MEDAG: variants seen among roughly 807,000 people sequenced by gnomAD.
MEDAG encodes the protein mesenteric estrogen-dependent adipogenesis protein.
In MEDAG, 25 loss-of-function variants were observed where a neutral mutation model predicts 29.9. The observed-to-expected ratio is 0.84, with a 90% CI of 0.61 to 1.17. The LOEUF (loss-of-function observed/expected upper bound fraction) is 1.17, where lower values mean the gene tolerates loss of function less well. Among genes scored for constraint, MEDAG ranks in the 50% most tolerant of loss-of-function variants. The pLI is 0.00. For synonymous variants in MEDAG, 158 were observed against 148.2 expected, an observed-to-expected ratio of 1.07 and a Z score of -0.48; for missense variants, 398 against 372.9, an observed-to-expected ratio of 1.07 and a Z score of -0.56.
intron 1 of MEDAG, among the ~76,000 whole-genome samples, chr13:30,910,754 A>T (rs1038428235): frequency 6.6e-6 from 1 of 152,234 alleles, no homozygotes; most frequent in Non-Finnish European, 1.5e-5. Flanking sequence ...CGGAGAATGC[A>T]GGTGAGGTGA....
At chr13:30,921,406 T>C (rs1952983825) in intron 3 of MEDAG, among the ~76,000 whole-genome samples, 155 bp from the exon 4 acceptor site, 1 of 152,232 alleles carries the variant, frequency 6.6e-6, no homozygotes, top group African/African-American at 2.4e-5. Flanking sequence ...CAAAGTTTTG[T>C]TAGAAAAAAT....
intron 1 of MEDAG, among the ~76,000 whole-genome samples, chr13:30,909,839 A>G (rs1952864918): frequency 6.6e-6 from 1 of 152,186 alleles, no homozygotes; most frequent in South Asian, 2.1e-4. Context: ...TCACTCGCTA[A>G]GAGAGCAACA....
intron 4 of MEDAG, among the ~76,000 whole-genome samples, chr13:30,923,356 TTCTC>T (rs565522967): frequency 8.2e-4 from 125 of 152,056 alleles, no homozygotes; most frequent in Non-Finnish European, 1.2e-3. Context: ...CTCTTTCTCT[TTCTC>T]TCTGTGTGTT....
At chr13:30,918,361 A>G (rs535942725) in intron 2 of MEDAG, among the ~76,000 whole-genome samples, 3 of 152,340 alleles carry the variant, frequency 2.0e-5, no homozygotes, top group Admixed American at 1.3e-4. Flanking sequence ...CGGGCAAACT[A>G]GGATGCGTAA....
At chr13:30,907,632 G>A (rs1235014729) in intron 1 of MEDAG, among the ~76,000 whole-genome samples, 1 of 152,238 alleles carries the variant, frequency 6.6e-6, no homozygotes, top group East Asian at 1.9e-4. Context: ...TTCACTCTTG[G>A]CAAGGGCCTG....
Position 30,906,533 on chromosome 13 carries a change from C to G in MEDAG, c.18C>G (p.Cys6Trp), listed in dbSNP as rs200214346. 11 of 1,512,090 alleles carry G rather than the reference C, an allele frequency of 7.3e-6. No homozygotes were observed. The highest frequency in any genetic ancestry group is 5.8e-5 in the Admixed American group (3 of 51,504). The allele number at this position is 1,512,090 out of a possible 1,614,324, so 93.7% of individuals were successfully genotyped here. A position where few individuals can be genotyped will look rare whatever the true frequency, so the allele number is the denominator to read the frequency against. Reference protein sequence around the residue: MAGAACEPVARPSLTS... With the variant: MAGAAWEPVARPSLTS... ...ACGCGGGCATGGCGGGGGCGGCCTG[C>G]GAGCCGGTGGCCAGGCCGAGCCTGA... The change falls in exon 1 of 5, where the codon TGC becomes TGG. Residue 6 changes from cysteine to tryptophan, a missense_variant. Cys to Trp is a radical substitution (Grantham distance 215). Transcript: ENST00000380482.
chr13:30,920,218 G>A (rs1351048476), intron 2 of MEDAG, among the ~76,000 whole-genome samples: 1 of 152,174 alleles, frequency 6.6e-6, no homozygotes, highest in African/African-American at 2.4e-5. Flanking sequence ...TGGAAAGCAT[G>A]GAGCAGCCCT....
rs1566130492 is a variant in MEDAG, at chr13:30,924,503, G to A, written c.*68G>A. The A allele has an allele frequency of 1.3e-6, 2 of 1,497,414 alleles. No individual in the cohort carries two copies. The highest frequency in any genetic ancestry group is 1.8e-6 in the Non-Finnish European group (2 of 1,113,644). 92.8% of individuals were successfully genotyped at this position (1,497,414 alleles called of 1,614,324 possible). ...GTGCTAGACTATAGGCTGGGGGGAG[G>A]GTAGGAGGTGGGAGGCAGATACTTC... On this transcript the variant is annotated 3_prime_UTR_variant, in exon 5 of 5. Transcript: ENST00000380482.
intron 4 of MEDAG, chr13:30,922,254 CTTT>C (rs758501789): frequency 1.4e-4 from 18 of 132,594 alleles, no homozygotes; most frequent in South Asian, 2.4e-4. Flanking sequence ...AGATATCAGT[CTTT>C]TTTTTTTTTT....
Position 30,906,900 on chromosome 13 carries a change from G to A in MEDAG, c.278+107G>A. The A allele has an allele frequency of 2.6e-6, 3 of 1,155,338 alleles. No homozygotes were observed. The South Asian group carries it at 5.3e-5, about 20-fold the overall frequency. The allele number at this position is 1,155,338 out of a possible 1,614,324, so 71.6% of individuals were successfully genotyped here. On this transcript the variant is annotated intron_variant, in intron 1 of 4. Coordinates refer to ENST00000380482, the MANE Select transcript of MEDAG (RefSeq NM_032849.4). Reference sequence around the variant, plus strand: ...GGCTGTCCTCGCTGCCTGCGACACCGCGTGGCCCCTTGCTCCGTGCGCTTC... The same window carrying A: ...GGCTGTCCTCGCTGCCTGCGACACCACGTGGCCCCTTGCTCCGTGCGCTTC...
At chr13:30,923,972 C>T (rs1394257902) in intron 4 of MEDAG, among the ~76,000 whole-genome samples, 4 of 152,112 alleles carry the variant, frequency 2.6e-5, no homozygotes, top group Non-Finnish European at 5.9e-5. Flanking sequence ...AGGCAGAGCA[C>T]GGGGCCACTA....
chr13:30,911,144 T>C (rs929750135), intron 1 of MEDAG, among the ~76,000 whole-genome samples: 4 of 152,192 alleles, frequency 2.6e-5, no homozygotes, highest in African/African-American at 9.7e-5. Context: ...AAAGTGGGAA[T>C]AGTAATAATA....
chr13:30,921,686 G>C lies in MEDAG; in HGVS notation c.627G>C (p.Gly209=). The C allele has an allele frequency of 6.2e-7, 1 of 1,614,012 alleles. No homozygotes were observed. Among genetic ancestry groups the C allele is most frequent in the East Asian group, 2.2e-5 (1 of 44,838 alleles). Residue 209 remains glycine, a synonymous_variant, in exon 4 of 5, where the codon GGG becomes GGC. Coordinates refer to ENST00000380482, the MANE Select transcript of MEDAG (RefSeq NM_032849.4). Reference sequence around the variant, plus strand: ...TATTTGATTTCTTCTATTGGTTTGGGCTCAGTAATTCCGTTGTAAAAGTAA... The same window carrying C: ...TATTTGATTTCTTCTATTGGTTTGGCCTCAGTAATTCCGTTGTAAAAGTAA... ...DALFDFFYWF[G]LSNSVVKVNG... is the part of the protein sequence containing the mutation.
In MEDAG at chr13:30,924,346, C is replaced by T; in HGVS notation, c.823C>T (p.Pro275Ser). 1 of 1,613,842 alleles carries T rather than the reference C, an allele frequency of 6.2e-7. No individual in the cohort carries two copies. The highest frequency in any genetic ancestry group is 8.5e-7 in the Non-Finnish European group (1 of 1,179,846). The change falls in exon 5 of 5, where the codon CCC becomes TCC. Residue 275 changes from proline to serine, a missense_variant. Transcript: ENST00000380482. Reference protein sequence around the residue: ...IDDVFNCNLSPRSSLTEPLLA... With the variant: ...IDDVFNCNLSSRSSLTEPLLA... Reference sequence around the variant, plus strand: ...TGATGTTTTTAACTGCAATCTGTCACCCAGATCATCTCTGACAGAGCCTCT... The same window carrying T: ...TGATGTTTTTAACTGCAATCTGTCATCCAGATCATCTCTGACAGAGCCTCT...
At chr13:30,912,506 AACACACACACAC>A (rs67281071) in intron 1 of MEDAG, among the ~76,000 whole-genome samples, 101,268 of 150,582 alleles carry the variant, frequency 0.67, 34,254 homozygotes, top group African/African-American at 0.78. Context: ...TTTTTTAATG[AACACACACACAC>A]ACACACACAC....
rs1019425876 is a variant in MEDAG, at chr13:30,906,704, G to C, written c.189G>C (p.Pro63=). The C allele has an allele frequency of 7.2e-6, 11 of 1,519,342 alleles. No homozygotes were observed. In the Middle Eastern group the frequency reaches 5.6e-4, roughly 77 times the overall value. 94.1% of individuals were successfully genotyped at this position (1,519,342 alleles called of 1,614,324 possible). Residue 63 remains proline (P), a synonymous_variant, in exon 1 of 5, where the codon CCG becomes CCC. Coordinates refer to ENST00000380482, the MANE Select transcript of MEDAG (RefSeq NM_032849.4). ...DQLVVARPGE[P]AAARGGFNVF... is the part of the protein sequence containing the mutation. ...TCGTGGTGGCCAGGCCCGGGGAGCC[G>C]GCGGCGGCGCGGGGGGGCTTCAACG...
intron 1 of MEDAG, among the ~76,000 whole-genome samples, chr13:30,909,994 C>T (rs376130661): frequency 1.6e-4 from 25 of 152,214 alleles, no homozygotes; most frequent in African/African-American, 4.8e-4. Flanking sequence ...CTTCAAAAAC[C>T]TACTTTAAAA....
chr13:30,921,778 A>G lies in MEDAG; in HGVS notation c.719A>G (p.Glu240Gly). 2 of 1,613,392 alleles carry G rather than the reference A, an allele frequency of 1.2e-6. No homozygotes were observed. Among genetic ancestry groups the G allele is most frequent in the Non-Finnish European group, 1.7e-6 (2 of 1,179,818 alleles). ...AAGGAGACGATTAAGTTATTTCTGGAAAAAATGAGTGAGCCTTTAATCCGA... is the reference window on the plus strand; with the variant it reads ...AAGGAGACGATTAAGTTATTTCTGGGAAAAATGAGTGAGCCTTTAATCCGA... ...EKKETIKLFL[E>G]KMSEPLIRRS... Residue 240 changes from glutamate (E) to glycine (G), a missense_variant, in exon 4 of 5, where the codon GAA (glutamate) becomes GGA (glycine). Coordinates refer to ENST00000380482, the MANE Select transcript of MEDAG (RefSeq NM_032849.4).
chr13:30,912,728 AT>A (rs769646222), intron 1 of MEDAG, among the ~76,000 whole-genome samples: 2 of 152,236 alleles, frequency 1.3e-5, no homozygotes, highest in Non-Finnish European at 2.9e-5. Context: ...TGTTGCTGTC[AT>A]TAAGCTGTTC....
Sources: allele counts gnomAD v4.1 joint callset (sites outside exome capture counted in the v4.1 genomes callset), GRCh38; gene constraint gnomAD v4.1.1; transcripts MANE v1.5; gene names NCBI Gene and HGNC (gene_info 2026-07-23, HGNC 2026-07-21).